TRAF6: variants seen among roughly 807,000 people sequenced by gnomAD.
The protein encoded by TRAF6 is TNF receptor associated factor 6.
A neutral mutation model predicts 48.4 loss-of-function variants in TRAF6; 10 were observed. That is an observed-to-expected ratio of 0.21 (90% CI 0.13 to 0.35). The LOEUF is 0.35. TRAF6 is among the 10% of genes least tolerant of loss of function. TRAF6 has a pLI of 1.00. For synonymous variants in TRAF6, 186 were observed against 219.6 expected (o/e 0.85, Z 1.35); for missense variants, 397 against 661.0 (o/e 0.60, Z 4.38).
chr11:36,497,028 A>T, intron 4 of TRAF6, 80 bp downstream of exon 4: 1 of 1,429,488 alleles, frequency 7.0e-7, no homozygotes, highest in Non-Finnish European at 9.5e-7. Context: ...ATCCTTATCT[A>T]CTGCTAACCC....
intron 1 of TRAF6, among the ~76,000 whole-genome samples, chr11:36,502,669 G>GCA (rs1190384479): frequency 6.6e-6 from 1 of 152,116 alleles, no homozygotes; most frequent in Non-Finnish European, 1.5e-5. Context: ...ATTCTGAGTA[G>GCA]CACTTGATGA....
rs949387408 is a variant in TRAF6, at chr11:36,484,223, A to G, written c.*5615T>C. On this transcript the variant is annotated 3_prime_UTR_variant, in exon 7 of 7. Transcript: ENST00000526995. The stretch of plus-strand genomic sequence containing the variant: ...GGAAGATGTGCCACCTCAAATCTGG[A>G]TAATTCCTTTAATCCCTTCCTTCAA... 3.3e-5 allele frequency among the ~76,000 whole-genome samples: 5 copies of G among 152,220 alleles called. No individual in the cohort carries two copies. The highest frequency in any genetic ancestry group is 5.9e-5 in the Non-Finnish European group (4 of 68,034).
In TRAF6 at chr11:36,484,458, TCAAAA is replaced by T. The variant is rs1859453748; in HGVS notation, c.*5375_*5379del. On this transcript the variant is annotated 3_prime_UTR_variant, in exon 7 of 7. Transcript: ENST00000526995. ...AAGACCACTGGATGTCTTTCAATTT[TCAAAA>T]GTCAGATTTCATTCCACAGCTTGTC... Among the ~76,000 whole-genome samples the T allele has an allele frequency of 6.6e-6, 1 of 152,184 alleles. No individual in the cohort carries two copies. Among genetic ancestry groups the T allele is most frequent in the Admixed American group, 6.5e-5 (1 of 15,292 alleles).
intron 1 of TRAF6, among the ~76,000 whole-genome samples, chr11:36,508,186 T>C (rs965425363): frequency 1.3e-5 from 2 of 152,130 alleles, no homozygotes; most frequent in African/African-American, 4.8e-5. Flanking sequence ...TATACTTACG[T>C]GGCTTTCTAC....
chr11:36,510,192 A>G lies in TRAF6; in HGVS notation c.-167T>C, dbSNP rs1859892370. 6.6e-6 allele frequency: 1 copy of G among 152,230 alleles called. No individual in the cohort carries two copies. Among genetic ancestry groups the G allele is most frequent in the African/African-American group, 2.4e-5 (1 of 41,406 alleles). 9.4% of individuals were successfully genotyped at this position (152,230 alleles called of 1,614,324 possible). A position where few individuals can be genotyped will look rare whatever the true frequency, so the allele number is the denominator to read the frequency against. On this transcript the variant is annotated 5_prime_UTR_variant, in exon 1 of 7. Transcript: ENST00000526995. ...TGCTTGGACGGCAAACTCTGGATCC[A>G]GTGGGAGCCTTCGCCACCTTCGCTG...
chr11:36,502,329 T>C (rs534383050), intron 1 of TRAF6, among the ~76,000 whole-genome samples: 18 of 152,362 alleles, frequency 1.2e-4, no homozygotes, highest in African/African-American at 3.8e-4. Context: ...AAGTGATGTT[T>C]TGTTTGCCTA....
rs1192252426 is a variant in TRAF6, at chr11:36,485,666, G to C, written c.*4172C>G. On this transcript the variant is annotated 3_prime_UTR_variant, in exon 7 of 7. Transcript: ENST00000526995. ...GATTTTATGACCCGAATTTCCTGTG[G>C]GGAAAAAGCTTTAAAATATTACACA... Among the ~76,000 whole-genome samples, 1 of 152,064 alleles carries C rather than the reference G, an allele frequency of 6.6e-6. No homozygotes were observed.
In TRAF6 at chr11:36,490,551, A is replaced by G. The variant is rs147645716; in HGVS notation, c.856T>C (p.Ser286Pro). 178 of 1,614,060 alleles carry G rather than the reference A, an allele frequency of 1.1e-4. No individual in the cohort carries two copies. The highest frequency in any genetic ancestry group is 1.4e-4 in the Non-Finnish European group (171 of 1,180,044). ...AVHSLSVIPD[S>P]GYISEVRNFQ... is the part of the protein sequence containing the mutation. The stretch of plus-strand genomic sequence containing the variant: ...TTCCGGACCTCTGAGATATACCCAG[A>G]GTCGGGTATAACGCTCAAACTATGA... The change falls in exon 7 of 7, where the codon TCT becomes CCT. Residue 286 changes from serine (S) to proline (P), a missense_variant. Transcript: ENST00000526995. The surrounding 1 kb of genome is among the most constrained non-coding windows in gnomAD (Gnocchi z 6.4).
chr11:36,496,032 G>GA (rs1443018070), intron 4 of TRAF6, among the ~76,000 whole-genome samples: 1 of 152,118 alleles, frequency 6.6e-6, no homozygotes, highest in Non-Finnish European at 1.5e-5. Context: ...TCAAAGTGGG[G>GA]AAAAACTGCC....
chr11:36,498,877 T>C (rs996937128), intron 2 of TRAF6, among the ~76,000 whole-genome samples: 1 of 152,224 alleles, frequency 6.6e-6, no homozygotes, highest in African/African-American at 2.4e-5. Context: ...AAGGGATTTT[T>C]ATATGGTGGG....
chr11:36,486,088 G>C lies in TRAF6; in HGVS notation c.*3750C>G, dbSNP rs1249796889. On this transcript the variant is annotated 3_prime_UTR_variant, in exon 7 of 7. Coordinates refer to ENST00000526995, the MANE Select transcript of TRAF6 (RefSeq NM_004620.4). ...GTGTTGCACTCTGTCACCCAGGCTG[G>C]GGGTGCAGTGGCATGATCTTGGCTC... 0.06 allele frequency among the ~76,000 whole-genome samples: 3 copies of C among 50 alleles called. No homozygotes were observed. The highest frequency in any genetic ancestry group is 0.19 in the African/African-American group (3 of 16). The allele number at this position is 50 out of a possible 152,430, so 0.0% of individuals were successfully genotyped here. A position where few individuals can be genotyped will look rare whatever the true frequency, so the allele number is the denominator to read the frequency against.
rs1284348679 is a variant in TRAF6, at chr11:36,484,054, C to G, written c.*5784G>C. 6.6e-6 allele frequency among the ~76,000 whole-genome samples: 1 copy of G among 152,162 alleles called. No individual in the cohort carries two copies. Among genetic ancestry groups the G allele is most frequent in the Non-Finnish European group, 1.5e-5 (1 of 68,038 alleles). Reference sequence around the variant, plus strand: ...GGTTGAGAAAGGTCACACTTCTCTACTTACTAAAATGGAGTCCTTCAATCT... The same window carrying G: ...GGTTGAGAAAGGTCACACTTCTCTAGTTACTAAAATGGAGTCCTTCAATCT... On this transcript the variant is annotated 3_prime_UTR_variant, in exon 7 of 7. Coordinates refer to ENST00000526995, the MANE Select transcript of TRAF6 (RefSeq NM_004620.4).
Position 36,502,395 on chromosome 11 carries a change from T to G in TRAF6, c.-22-858A>C, listed in dbSNP as rs5030443. Among the ~76,000 whole-genome samples, 1,009 of 152,352 alleles carry G rather than the reference T, an allele frequency of 6.6e-3. 12 individuals are homozygous for G. Among genetic ancestry groups the G allele is most frequent in the African/African-American group, 0.022 (901 of 41,588 alleles). On this transcript the variant is annotated intron_variant, in intron 1 of 6. Transcript: ENST00000526995. ...GATATCCTCAAATTCTAAACCATTA[T>G]GGTATTTACAGGCGAGAAGCTAATA...
In TRAF6 at chr11:36,489,711, C is replaced by CT; in HGVS notation, c.*126dup. The stretch of plus-strand genomic sequence containing the variant: ...AACAGGAAGAAATAGTAAGTGACCT[C>CT]TCTAACAACACTCACTAGTAGATAT... On this transcript the variant is annotated 3_prime_UTR_variant, in exon 7 of 7. Coordinates refer to ENST00000526995, the MANE Select transcript of TRAF6 (RefSeq NM_004620.4). The CT allele has an allele frequency of 2.9e-6, 3 of 1,052,094 alleles. No individual in the cohort carries two copies. The South Asian group carries it at 4.8e-5, about 17-fold the overall frequency. 65.2% of individuals were successfully genotyped at this position (1,052,094 alleles called of 1,614,324 possible). A position where few individuals can be genotyped will look rare whatever the true frequency, so the allele number is the denominator to read the frequency against.
rs1299539710 is a variant in TRAF6, at chr11:36,490,186, T to C, written c.1221A>G (p.Ile407Met). ...LPTAQRCANY[I>M]SLFVHTMQGE... ...CTTGCATTGTGTGGACAAAAAGGGA[T>C]ATATAGTTTGCACAGCGCTGAGCAG... The change falls in exon 7 of 7, where the codon ATA becomes ATG. Residue 407 changes from isoleucine to methionine, a missense_variant. Physicochemically the swap from Ile to Met is conservative, Grantham distance 10 (BLOSUM62 1). Around this residue, in one of 4 missense-constraint regions of TRAF6, gnomAD observed 74 missense variants for 198.9 expected, o/e 0.37. Transcript: ENST00000526995. The surrounding 1 kb of genome is among the most constrained non-coding windows in gnomAD (Gnocchi z 6.4). 6.2e-7 allele frequency: 1 copy of C among 1,613,942 alleles called. No individual in the cohort carries two copies. The highest frequency in any genetic ancestry group is 1.3e-5 in the African/African-American group (1 of 74,888).
At position 36,490,720 on chromosome 11, in the gene TRAF6, T is replaced by C. The variant is rs1859552307; in HGVS notation, c.757-70A>G. On this transcript the variant is annotated intron_variant, in intron 6 of 6. Transcript: ENST00000526995. This position sits in a 1 kb window ranked among gnomAD's most constrained non-coding sequence, Gnocchi z 6.4. ...GGAGTAGGAAAAGGACCTGGCCAGG[T>C]CAAATAAGAAGTTTTCAAGTAGTCA... is the stretch of plus-strand genomic sequence containing the variant. 3.5e-6 allele frequency: 5 copies of C among 1,421,036 alleles called. No homozygotes were observed. The highest frequency in any genetic ancestry group is 1.9e-4 in the Middle Eastern group (1 of 5,370). The allele number at this position is 1,421,036 out of a possible 1,614,324, so 88.0% of individuals were successfully genotyped here. A position where few individuals can be genotyped will look rare whatever the true frequency, so the allele number is the denominator to read the frequency against.
intron 4 of TRAF6, 45 bp downstream of exon 4, chr11:36,497,063 T>C: frequency 1.3e-6 from 2 of 1,598,170 alleles, no homozygotes; most frequent in Non-Finnish European, 1.7e-6. Flanking sequence ...TTAAGAACAA[T>C]ATTTTAAGAA....
At chr11:36,493,698 T>C (rs1859592844) in intron 5 of TRAF6, among the ~76,000 whole-genome samples, 1 of 152,302 alleles carries the variant, frequency 6.6e-6, no homozygotes, top group East Asian at 1.9e-4. Context: ...TAGCCTAGGG[T>C]TTTTTCTTGT....
chr11:36,501,104 T>C, intron 2 of TRAF6, 116 bp downstream of exon 2: 2 of 1,053,052 alleles, frequency 1.9e-6, no homozygotes, highest in Non-Finnish European at 2.6e-6. Flanking sequence ...TTGTTCTTTT[T>C]TCCTAAGTAG....
Sources: allele counts gnomAD v4.1 joint callset (sites outside exome capture counted in the v4.1 genomes callset), GRCh38; gene constraint gnomAD v4.1.1; regional missense constraint gnomAD v4.1.1; non-coding constraint Gnocchi (gnomAD v3.1); transcripts MANE v1.5; gene names NCBI Gene and HGNC (gene_info 2026-07-23, HGNC 2026-07-21).